Variants in FGF12 observed in about 807,000 individuals in gnomAD.
FGF12 encodes the protein fibroblast growth factor 12.
Under a neutral mutation model 23.6 loss-of-function variants are expected in FGF12, and 14 were observed. The ratio of observed to expected loss-of-function variants is 0.59; its 90% CI spans 0.39 to 0.93. FGF12 has a LOEUF of 0.93. Among genes scored for constraint, FGF12 ranks in the 40% least tolerant of loss-of-function variants. The pLI is 0.00. For missense variants in FGF12, 175 were observed against 217.8 expected, an observed-to-expected ratio of 0.80 and a Z score of 1.24; for synonymous variants, 62 against 77.3, an observed-to-expected ratio of 0.80 and a Z score of 1.04.
At chr3:192,189,779 T>C (rs770214696) in intron 4 of FGF12, among the ~76,000 whole-genome samples, 31 of 151,974 alleles carry the variant, frequency 2.0e-4, no homozygotes, top group Non-Finnish European at 4.0e-4. Context: ...CACGAGAAAA[T>C]TTATTTCTGT....
chr3:192,561,335 G>T (rs1041871258), intron 2 of FGF12, among the ~76,000 whole-genome samples: 1 of 151,454 alleles, frequency 6.6e-6, no homozygotes, highest in Non-Finnish European at 1.5e-5. Context: ...TCAGCGAAAT[G>T]AAAATTAAAA....
chr3:192,257,366 C>A (rs1315050747), intron 4 of FGF12, among the ~76,000 whole-genome samples: 1 of 152,130 alleles, frequency 6.6e-6, no homozygotes, highest in East Asian at 1.9e-4. Flanking sequence ...GTCCATCACC[C>A]AGATGATCTC....
chr3:192,386,072 G>T (rs1488082247), intron 2 of FGF12, among the ~76,000 whole-genome samples: 1 of 152,196 alleles, frequency 6.6e-6, no homozygotes, highest in Non-Finnish European at 1.5e-5. Context: ...CTAGAATATG[G>T]TAAGTTTTCA....
chr3:192,469,632 T>A (rs975615542), intron 2 of FGF12, among the ~76,000 whole-genome samples: 1 of 152,222 alleles, frequency 6.6e-6, no homozygotes, highest in African/African-American at 2.4e-5. Flanking sequence ...AGCTCTATGT[T>A]TTATGACCCA....
intron 2 of FGF12, among the ~76,000 whole-genome samples, chr3:192,705,587 T>C (rs919669314): frequency 6.6e-6 from 1 of 152,160 alleles, no homozygotes; most frequent in Non-Finnish European, 1.5e-5. Flanking sequence ...CTTGTGGCAC[T>C]CCCAAAACAA....
At chr3:192,630,761 T>C (rs1320098142) in intron 2 of FGF12, among the ~76,000 whole-genome samples, 4 of 151,422 alleles carry the variant, frequency 2.6e-5, no homozygotes, top group Non-Finnish European at 5.9e-5. Flanking sequence ...GGTTTCACCA[T>C]GTTAGCCAGG....
chr3:192,339,681 C>A (rs1560076853), intron 3 of FGF12, among the ~76,000 whole-genome samples: 1 of 152,120 alleles, frequency 6.6e-6, no homozygotes. Context: ...GTTGAACTCC[C>A]CCATGAATCT....
At chr3:192,583,424 T>C (rs1437075509) in intron 2 of FGF12, among the ~76,000 whole-genome samples, 6 of 152,244 alleles carry the variant, frequency 3.9e-5, no homozygotes, top group African/African-American at 1.4e-4. Flanking sequence ...AAAATACTTT[T>C]GGCAGTGAGA....
chr3:192,727,118 C>A, intron 2 of FGF12, 63 bp downstream of exon 2: 1 of 1,552,302 alleles, frequency 6.4e-7, no homozygotes, highest in Non-Finnish European at 8.7e-7. Context: ...GTCCCCTCGC[C>A]GAGGATTGCC....
intron 4 of FGF12, among the ~76,000 whole-genome samples, chr3:192,211,415 A>G (rs916419234): frequency 6.6e-6 from 1 of 152,016 alleles, no homozygotes; most frequent in African/African-American, 2.4e-5. Flanking sequence ...TGATACCACA[A>G]TATTGTGATT....
Position 192,335,416 on chromosome 3 carries a change from C to G in FGF12, c.173G>C (p.Gly58Ala), listed in dbSNP as rs1335009930. 1 of 1,613,260 alleles carries G rather than the reference C, an allele frequency of 6.2e-7. No individual in the cohort carries two copies. The highest frequency in any genetic ancestry group is 8.5e-7 in the Non-Finnish European group (1 of 1,179,506). The stretch of plus-strand genomic sequence containing the variant: ...GGCCACATAGAGGCTAGCCTTCACT[C>G]CTTGGATGGCCACTACACGCAGGCC... ...PVGLRVVAIQ[G>A]VKASLYVAMN... The change falls in exon 4 of 6, where the codon GGA (glycine) becomes GCA (alanine). Residue 58 changes from glycine (G) to alanine (A), a missense_variant. Gly to Ala is a moderately conservative substitution (Grantham distance 60, BLOSUM62 0). Transcript: ENST00000445105.
intron 2 of FGF12, among the ~76,000 whole-genome samples, chr3:192,607,756 A>C (rs987744405): frequency 6.6e-6 from 1 of 151,982 alleles, no homozygotes; most frequent in Non-Finnish European, 1.5e-5. Flanking sequence ...AGGACATAAA[A>C]AGTTCGTTGG....
Position 192,635,763 on chromosome 3 carries a change from G to T in FGF12, c.13+91418C>A, listed in dbSNP as rs576300413. 4.5e-4 allele frequency among the ~76,000 whole-genome samples: 69 copies of T among 152,220 alleles called. 1 individual carries two copies. In the South Asian group the frequency reaches 5.2e-3, roughly 11 times the overall value. ...TTGGAAGTAGAGGTCCATCCTTTTA[G>T]TATATGTTAGTGCTATAGAGGTGGT... On this transcript the variant is annotated intron_variant, in intron 2 of 5. Coordinates refer to ENST00000445105, the MANE Select transcript of FGF12 (RefSeq NM_004113.6).
At chr3:192,602,423 T>C (rs1434850430) in intron 2 of FGF12, among the ~76,000 whole-genome samples, 3 of 151,986 alleles carry the variant, frequency 2.0e-5, no homozygotes, top group African/African-American at 7.2e-5. Flanking sequence ...GTGCAAAACC[T>C]AAAAAATGAG....
At chr3:192,364,947 T>C (rs1018838040) in intron 2 of FGF12, among the ~76,000 whole-genome samples, 3 of 152,154 alleles carry the variant, frequency 2.0e-5, no homozygotes, top group Non-Finnish European at 2.9e-5. Context: ...GCTGATAGTA[T>C]GTTCTCTTGA....
intron 2 of FGF12, among the ~76,000 whole-genome samples, chr3:192,458,466 T>C (rs1722751526): frequency 6.6e-6 from 1 of 152,220 alleles, no homozygotes; most frequent in Admixed American, 6.5e-5. Flanking sequence ...ATGTGAGACC[T>C]GGAGTCAAAG....
chr3:192,561,632 G>C (rs528612405), intron 2 of FGF12, among the ~76,000 whole-genome samples: 21 of 152,158 alleles, frequency 1.4e-4, no homozygotes, highest in Non-Finnish European at 2.5e-4. Context: ...AAAGTGCTGG[G>C]ATTACAGGCG....
intron 4 of FGF12, among the ~76,000 whole-genome samples, chr3:192,274,897 G>T (rs1713684510): frequency 6.6e-6 from 1 of 152,028 alleles, no homozygotes; most frequent in South Asian, 2.1e-4. Context: ...CCATGGTTTA[G>T]GTGTTTCTTT....
At chr3:192,692,899 G>A (rs927362434) in intron 2 of FGF12, among the ~76,000 whole-genome samples, 5 of 151,720 alleles carry the variant, frequency 3.3e-5, no homozygotes, top group Admixed American at 3.3e-4. Flanking sequence ...CTAGGGTCTG[G>A]CTTAAGGCAA....
Sources: gnomAD v4.1 joint callset for allele counts (sites outside exome capture counted in the v4.1 genomes callset) on GRCh38, gnomAD v4.1.1 for gene constraint, MANE v1.5 for transcripts, NCBI Gene and HGNC (gene_info 2026-07-23, HGNC 2026-07-21) for gene names.